The following SLC60A2 variants were observed in gnomAD, a reference collection of about 807,000 sequenced individuals.
The protein encoded by SLC60A2 is solute carrier family 60 member 2.
the SLC60A2 span, chr6:111,259,600 A>G: frequency 7.5e-7 from 1 of 1,330,740 alleles, no homozygotes; most frequent in African/African-American, 1.5e-5. Flanking sequence ...CGGCTCCTGC[A>G]GGCGGAGGCC....
chr6:111,261,141 T>C, the SLC60A2 span, among the ~76,000 whole-genome samples: 1 of 152,356 alleles, frequency 6.6e-6, no homozygotes, highest in East Asian at 1.9e-4. Context: ...CGTGTAATAT[T>C]TTTTAAGCAA....
the SLC60A2 span, chr6:111,265,759 A>G: frequency 5.1e-6 from 4 of 781,828 alleles, no homozygotes; most frequent in African/African-American, 5.3e-5. Context: ...TAATTAGAAT[A>G]TTATAATGCT....
the SLC60A2 span, among the ~76,000 whole-genome samples, chr6:111,264,367 C>T: frequency 3.9e-5 from 6 of 152,154 alleles, no homozygotes; most frequent in Non-Finnish European, 8.8e-5. Context: ...TCCAACTTGA[C>T]ATTTACCCTG....
the SLC60A2 span, among the ~76,000 whole-genome samples, chr6:111,279,523 C>T: frequency 6.7e-6 from 1 of 150,252 alleles, no homozygotes; most frequent in African/African-American, 2.5e-5. Context: ...GCTGAGATTA[C>T]AGGCATGAGC....
At chr6:111,259,832 T>C in the SLC60A2 span, 1 of 959,334 alleles carries the variant, frequency 1.0e-6, no homozygotes, top group Non-Finnish European at 1.5e-6. Context: ...TGGGCCTCAG[T>C]TTCATCATCT....
At chr6:111,264,921 G>A in the SLC60A2 span, among the ~76,000 whole-genome samples, 4 of 151,694 alleles carry the variant, frequency 2.6e-5, no homozygotes, top group South Asian at 2.1e-4. Context: ...TGGAGAAACC[G>A]CGTCTCTACT....
the SLC60A2 span, among the ~76,000 whole-genome samples, chr6:111,271,630 A>T: frequency 6.6e-6 from 1 of 151,774 alleles, no homozygotes; most frequent in African/African-American, 2.4e-5. Flanking sequence ...AGTAATCAGG[A>T]TAGCTTTCTC....
At chr6:111,265,883 C>T in the SLC60A2 span, 7 of 1,600,626 alleles carry the variant, frequency 4.4e-6, no homozygotes, top group Admixed American at 1.8e-5. Flanking sequence ...CAGGTGGTAA[C>T]GTCCTTATCT....
chr6:111,267,062 T>C, the SLC60A2 span: 4 of 1,614,014 alleles, frequency 2.5e-6, no homozygotes, highest in Non-Finnish European at 3.4e-6. Flanking sequence ...CTTTTAATAC[T>C]GGCAGTGCCC....
chr6:111,265,186 GA>G, the SLC60A2 span: 1 of 714,898 alleles, frequency 1.4e-6, no homozygotes, highest in Non-Finnish European at 1.7e-6. Context: ...ATCTGTTGAG[GA>G]AATATTTTAT....
At chr6:111,265,770 T>A in the SLC60A2 span, 1 of 840,642 alleles carries the variant, frequency 1.2e-6, no homozygotes, top group Non-Finnish European at 1.8e-6. Context: ...TTATAATGCT[T>A]GTGCTATGTA....
the SLC60A2 span, among the ~76,000 whole-genome samples, chr6:111,273,638 T>C: frequency 6.6e-6 from 1 of 152,274 alleles, no homozygotes; most frequent in South Asian, 2.1e-4. Flanking sequence ...GTTTCTTTGT[T>C]GATTTTCTGT....
At chr6:111,279,810 C>G in the SLC60A2 span, among the ~76,000 whole-genome samples, 1 of 152,040 alleles carries the variant, frequency 6.6e-6, no homozygotes. Flanking sequence ...CGTGGTGGCT[C>G]ACACCTGTAA....
chr6:111,273,959 A>G, the SLC60A2 span, among the ~76,000 whole-genome samples: 2 of 152,034 alleles, frequency 1.3e-5, no homozygotes, highest in Admixed American at 1.3e-4. Context: ...CACTCAAGTG[A>G]TCTTCCCACC....
At chr6:111,265,828 G>A in the SLC60A2 span, 3 of 1,472,474 alleles carry the variant, frequency 2.0e-6, no homozygotes, top group Middle Eastern at 2.4e-4. Flanking sequence ...TTTTTAATAA[G>A]TAAGTAACTG....
chr6:111,266,786 C>G, the SLC60A2 span: 3 of 1,614,000 alleles, frequency 1.9e-6, no homozygotes, highest in East Asian at 6.7e-5. Context: ...ATAAATTAGC[C>G]ACTTCACCTC....
At chr6:111,259,691 C>A in the SLC60A2 span, 1 of 1,598,674 alleles carries the variant, frequency 6.3e-7, no homozygotes, top group Admixed American at 1.7e-5. Flanking sequence ...TGCGGTGGTT[C>A]ACCACCTTGA....
the SLC60A2 span, chr6:111,264,081 A>G: frequency 3.7e-6 from 2 of 534,380 alleles, no homozygotes; most frequent in Admixed American, 2.9e-5. Flanking sequence ...GTCACTCAGA[A>G]TGAATCACCC....
the SLC60A2 span, chr6:111,259,444 C>A: frequency 2.4e-6 from 1 of 414,306 alleles, no homozygotes; most frequent in Non-Finnish European, 4.3e-6. Context: ...GAGGGACACC[C>A]GTGCCTGGGG....
Sources: gnomAD v4.1 joint callset for allele counts (sites outside exome capture counted in the v4.1 genomes callset) on GRCh38, gnomAD v4.1.1 for gene constraint, MANE v1.5 for transcripts, NCBI Gene and HGNC (gene_info 2026-07-23, HGNC 2026-07-21) for gene names.